Variants in ABR observed in about 807,000 individuals in gnomAD.
The protein encoded by ABR is ABR activator of RhoGEF and GTPase.
Under a neutral mutation model 107.2 loss-of-function variants are expected in ABR, and 35 were observed. That is an observed-to-expected ratio of 0.33 (90% CI 0.25 to 0.43). The LOEUF (loss-of-function observed/expected upper bound fraction) is 0.43, where lower values mean the gene tolerates loss of function less well. ABR is among the 20% of genes least tolerant of loss of function. The pLI is 1.00. For synonymous variants in ABR, 498 were observed against 462.0 expected, an observed-to-expected ratio of 1.08 and a Z score of -1.00; for missense variants, 815 against 1,115.2, an observed-to-expected ratio of 0.73 and a Z score of 3.83.
chr17:1,132,200 A>AACACACACACACACAAAGAC (rs2039873797), intron 1 of ABR, among the ~76,000 whole-genome samples: 1 of 151,360 alleles, frequency 6.6e-6, no homozygotes, highest in Non-Finnish European at 1.5e-5. Flanking sequence ...TGTCTCTATG[A>AACACACACACACACAAAGAC]ACACACACAC....
chr17:1,187,023 T>C (rs1236503819), exon 1 of ABR: 1 of 152,520 alleles, frequency 6.6e-6, no homozygotes, highest in East Asian at 1.9e-4. Flanking sequence ...TCAGCCAGAA[T>C]TCTGCAGACG....
intron 4 of ABR, 136 bp from the exon 5 acceptor site, chr17:1,083,763 G>C: frequency 1.4e-6 from 1 of 706,222 alleles, no homozygotes; most frequent in Non-Finnish European, 2.5e-6. Context: ...GGAACTTGGG[G>C]AAACGCAGGG....
chr17:1,085,620 C>A (rs2036546292), intron 4 of ABR, among the ~76,000 whole-genome samples: 1 of 152,174 alleles, frequency 6.6e-6, no homozygotes, highest in Non-Finnish European at 1.5e-5. Flanking sequence ...GTGCAGTCGC[C>A]ACCAGCTACC....
chr17:1,145,528 C>T (rs940794801), intron 1 of ABR, among the ~76,000 whole-genome samples: 2 of 152,234 alleles, frequency 1.3e-5, no homozygotes, highest in African/African-American at 4.8e-5. Flanking sequence ...GAGGACCTTT[C>T]AATCCAACGG....
chr17:1,229,034 G>T (rs1182020547), exon 1 of ABR: 2 of 151,794 alleles, frequency 1.3e-5, no homozygotes, highest in South Asian at 2.0e-4. Flanking sequence ...GCCCCCCGGG[G>T]ATCAGGTGCA....
intron 1 of ABR, among the ~76,000 whole-genome samples, chr17:1,142,921 G>A (rs1315563204): frequency 6.6e-6 from 1 of 152,170 alleles, no homozygotes; most frequent in African/African-American, 2.4e-5. Context: ...GGCAACTGGA[G>A]GCCGGGCAGA....
chr17:1,204,943 A>C (rs1282397123), intron 1 of ABR, among the ~76,000 whole-genome samples: 11 of 118,182 alleles, frequency 9.3e-5, no homozygotes, highest in African/African-American at 3.6e-4. Flanking sequence ...TCGCGCTATC[A>C]CCCAGGCTGG....
chr17:1,087,537 TAAA>T (rs1225539951), intron 4 of ABR, among the ~76,000 whole-genome samples: 1 of 106,202 alleles, frequency 9.4e-6, no homozygotes, highest in African/African-American at 3.9e-5. Flanking sequence ...GCCGGACTTT[TAAA>T]AGAGGGCGGG....
Position 1,060,336 on chromosome 17 carries a change from G to A in ABR, c.1183-1469C>T, listed in dbSNP as rs542385812. Among the ~76,000 whole-genome samples the A allele has an allele frequency of 2.1e-3, 323 of 152,188 alleles. 3 individuals carry two copies. Among genetic ancestry groups the A allele is most frequent in the Non-Finnish European group, 3.5e-3 (240 of 68,008 alleles). ...GAGGCACGAGAATCGCTTGAACCCG[G>A]GAGGTGGAAGTTCCAGTGAGCCCAA... On this transcript the variant is annotated intron_variant, in intron 10 of 22. Transcript: ENST00000302538.
At chr17:1,219,398 A>C (rs1388686994) in intron 1 of ABR, among the ~76,000 whole-genome samples, 3 of 149,652 alleles carry the variant, frequency 2.0e-5, no homozygotes, top group Non-Finnish European at 4.5e-5. Context: ...TCACTATGTT[A>C]GTGATTTAAT....
chr17:1,122,731 CCTTCTAATA>C (rs772643727), intron 2 of ABR, among the ~76,000 whole-genome samples: 1 of 152,190 alleles, frequency 6.6e-6, no homozygotes, highest in Non-Finnish European at 1.5e-5. Context: ...TGAATCAATT[CCTTCTAATA>C]CTTTTCTTCG....
chr17:1,075,794 CA>C (rs1411668258), intron 6 of ABR, among the ~76,000 whole-genome samples: 1 of 152,170 alleles, frequency 6.6e-6, no homozygotes, highest in Non-Finnish European at 1.5e-5. Context: ...GTAATCCCAG[CA>C]CTTTGGGAGG....
chr17:1,158,840 C>T (rs2041147880), intron 1 of ABR, among the ~76,000 whole-genome samples: 1 of 152,068 alleles, frequency 6.6e-6, no homozygotes, highest in Admixed American at 6.6e-5. Flanking sequence ...AGAGGGCTGG[C>T]ATGGGAGTGG....
chr17:1,034,296 G>A (rs766423732), intron 16 of ABR, among the ~76,000 whole-genome samples: 7 of 152,118 alleles, frequency 4.6e-5, no homozygotes, highest in Non-Finnish European at 1.0e-4. Flanking sequence ...GCCTGGCTGC[G>A]TGCCCGACCC....
chr17:1,043,142 C>T (rs1482577329), intron 16 of ABR, among the ~76,000 whole-genome samples: 1 of 152,182 alleles, frequency 6.6e-6, no homozygotes, highest in African/African-American at 2.4e-5. Flanking sequence ...GCACCAAATC[C>T]ACCTATGGCC....
rs754991936 is a variant in ABR at position 1,210,361 on chromosome 17, C to T, written c.838+18432G>A. 4.6e-5 allele frequency among the ~76,000 whole-genome samples: 7 copies of T among 152,090 alleles called. No individual in the cohort carries two copies. Among genetic ancestry groups the T allele is most frequent in the Middle Eastern group, 3.5e-3 (1 of 288 alleles). ...CCCCATCTCTGCTACCCAGCTTCTC[C>T]GCACTATCGTCCACGTTATCACTCA... On this transcript the variant is annotated intron_variant, in intron 1 of 22. Coordinates refer to the ABR transcript ENST00000574139. This position sits in a 1 kb window ranked among gnomAD's most constrained non-coding sequence, Gnocchi z 5.6.
chr17:1,124,433 C>T (rs946017630), intron 2 of ABR, among the ~76,000 whole-genome samples: 4 of 152,172 alleles, frequency 2.6e-5, no homozygotes, highest in African/African-American at 9.7e-5. Flanking sequence ...GATTCTTCTC[C>T]CCCACCAGCT....
rs1470870488 is a variant in ABR, at chr17:1,027,561, C to T, written c.1792-14397G>A. On this transcript the variant is annotated intron_variant, in intron 16 of 22. Coordinates refer to ENST00000302538, the MANE Select transcript of ABR (RefSeq NM_021962.5). This position sits in a 1 kb window ranked among gnomAD's most constrained non-coding sequence, Gnocchi z 4.7. ...GCCCCAGCAGTGAGGTCTGCCCACT[C>T]GGCAGGTGGGTAAGTGCTGTGGAAA... Among the ~76,000 whole-genome samples the T allele has an allele frequency of 3.9e-5, 6 of 152,278 alleles. No homozygotes were observed. Among genetic ancestry groups the T allele is most frequent in the East Asian group, 3.9e-4 (2 of 5,176 alleles).
chr17:1,182,667 G>C (rs2042173591), upstream of ABR, among the ~76,000 whole-genome samples: 1 of 152,160 alleles, frequency 6.6e-6, no homozygotes, highest in Non-Finnish European at 1.5e-5. Flanking sequence ...CGCCCGGCCT[G>C]TTCATGCTCT....
Sources: allele counts gnomAD v4.1 joint callset (sites outside exome capture counted in the v4.1 genomes callset), GRCh38; gene constraint gnomAD v4.1.1; non-coding constraint Gnocchi (gnomAD v3.1); transcripts MANE v1.5; gene names NCBI Gene and HGNC (gene_info 2026-07-23, HGNC 2026-07-21).